Variants in PARVA observed in about 807,000 individuals in gnomAD.
PARVA encodes parvin alpha, also known as alpha-parvin.
PARVA carries 25 observed loss-of-function variants against 52.6 expected under a neutral mutation model. That is an observed-to-expected ratio of 0.48 (90% CI 0.35 to 0.66). PARVA has a LOEUF of 0.66. Among genes scored for constraint, PARVA ranks in the 30% least tolerant of loss-of-function variants. PARVA has a pLI of 0.01. For synonymous variants in PARVA, 185 were observed against 179.1 expected (o/e 1.03, Z -0.26); for missense variants, 373 against 450.9 (o/e 0.83, Z 1.56).
At chr11:12,484,808 CTTTT>C (rs1177057401) in intron 4 of PARVA, among the ~76,000 whole-genome samples, 2 of 102,628 alleles carry the variant, frequency 1.9e-5, no homozygotes, top group Non-Finnish European at 2.0e-5. Context: ...TTTTTGTTGA[CTTTT>C]TTTTTTTTTT....
chr11:12,414,885 G>A (rs1589948855), intron 1 of PARVA, among the ~76,000 whole-genome samples: 1 of 152,306 alleles, frequency 6.6e-6, no homozygotes, highest in African/African-American at 2.4e-5. Flanking sequence ...CCTGGTGGAA[G>A]TTGGCAAGCC....
At chr11:12,473,654 T>G (rs1940963073) in intron 1 of PARVA, 91 bp from the exon 2 acceptor site, 2 of 957,016 alleles carry the variant, frequency 2.1e-6, no homozygotes, top group East Asian at 5.3e-5. Context: ...GGTTTTTTTC[T>G]CAATGTCAAT....
chr11:12,474,776 A>G (rs1940985910), intron 3 of PARVA, among the ~76,000 whole-genome samples: 3 of 151,046 alleles, frequency 2.0e-5, no homozygotes, highest in Admixed American at 1.3e-4. Context: ...GTGGTGGCGC[A>G]TGACTGTAAT....
At chr11:12,440,682 T>A (rs1428916032) in intron 1 of PARVA, among the ~76,000 whole-genome samples, 1 of 152,200 alleles carries the variant, frequency 6.6e-6, no homozygotes, top group Non-Finnish European at 1.5e-5. Context: ...AAAATTTGTT[T>A]CCTTGCATTG....
At chr11:12,423,405 G>A (rs1940181955) in intron 1 of PARVA, among the ~76,000 whole-genome samples, 1 of 143,870 alleles carries the variant, frequency 7.0e-6, no homozygotes, top group Admixed American at 7.1e-5. Context: ...TGGCCGGGCT[G>A]ACCTTGAACT....
At chr11:12,454,605 G>C (rs1365599121) in intron 1 of PARVA, among the ~76,000 whole-genome samples, 1 of 150,982 alleles carries the variant, frequency 6.6e-6, no homozygotes, top group Non-Finnish European at 1.5e-5. Flanking sequence ...AAGAACTTCT[G>C]ACTGTGGAAA....
intron 1 of PARVA, among the ~76,000 whole-genome samples, chr11:12,421,975 T>G (rs1940157582): frequency 6.6e-6 from 1 of 152,240 alleles, no homozygotes. Flanking sequence ...AGCCAGTTAT[T>G]GCTGCTTTAA....
At chr11:12,471,247 C>T (rs1212341455) in intron 1 of PARVA, among the ~76,000 whole-genome samples, 1 of 152,076 alleles carries the variant, frequency 6.6e-6, no homozygotes, top group Non-Finnish European at 1.5e-5. Flanking sequence ...ATTAGTAGAC[C>T]TAAGAGGAGA....
intron 1 of PARVA, among the ~76,000 whole-genome samples, chr11:12,400,996 T>A (rs991977136): frequency 1.3e-5 from 2 of 152,182 alleles, no homozygotes; most frequent in African/African-American, 4.8e-5. Context: ...GAGGGCTCAT[T>A]TGTTGTTTAA....
At chr11:12,388,588 G>A (rs1372100159) in intron 1 of PARVA, among the ~76,000 whole-genome samples, 2 of 151,982 alleles carry the variant, frequency 1.3e-5, no homozygotes, top group Non-Finnish European at 2.9e-5. Flanking sequence ...CCATGCTTAC[G>A]GGATTTATGG....
At chr11:12,408,658 T>C (rs1939948508) in intron 1 of PARVA, among the ~76,000 whole-genome samples, 2 of 152,196 alleles carry the variant, frequency 1.3e-5, no homozygotes, top group African/African-American at 2.4e-5. Flanking sequence ...ACTGCTCACT[T>C]AACAAATATT....
rs1183085438 is a variant in PARVA, at chr11:12,534,004, T to C, written c.*6079T>C. 6.6e-6 allele frequency among the ~76,000 whole-genome samples: 1 copy of C among 152,004 alleles called. No homozygotes were observed. The highest frequency in any genetic ancestry group is 1.5e-5 in the Non-Finnish European group (1 of 67,990). On this transcript the variant is annotated 3_prime_UTR_variant, in exon 13 of 13. Transcript: ENST00000334956. Reference sequence around the variant, plus strand: ...TAATATGGTGAAACCCCGTCTGTACTAAAAATACAAAAAATTAGCCAGGTG... The same window carrying C: ...TAATATGGTGAAACCCCGTCTGTACCAAAAATACAAAAAATTAGCCAGGTG...
intron 3 of PARVA, chr11:12,477,099 C>CTT (rs747037359): frequency 4.9e-5 from 7 of 142,594 alleles, no homozygotes; most frequent in Non-Finnish European, 6.2e-5. Flanking sequence ...GTATACTTAA[C>CTT]TTTTTTTTTT....
Position 12,453,815 on chromosome 11 carries a change from G to A in PARVA, c.137-19930G>A, listed in dbSNP as rs1940657820. Among the ~76,000 whole-genome samples, 3 of 152,154 alleles carry A rather than the reference G, an allele frequency of 2.0e-5. No homozygotes were observed. In the South Asian group the frequency reaches 6.2e-4, roughly 32 times the overall value. On this transcript the variant is annotated intron_variant, in intron 1 of 12. Transcript: ENST00000334956. Reference sequence around the variant, plus strand: ...TCTGAAAACACACATAACTAATAAAGGAATAAAAAGGGTGGCTCTAAGCAA... The same window carrying A: ...TCTGAAAACACACATAACTAATAAAAGAATAAAAAGGGTGGCTCTAAGCAA...
chr11:12,454,148 C>T (rs1351983996), intron 1 of PARVA, among the ~76,000 whole-genome samples: 3 of 152,274 alleles, frequency 2.0e-5, no homozygotes, highest in East Asian at 3.9e-4. Context: ...GGTGTTTGCC[C>T]TTGGATCCAG....
chr11:12,521,790 A>G (rs1276701110), intron 12 of PARVA, among the ~76,000 whole-genome samples: 1 of 152,106 alleles, frequency 6.6e-6, no homozygotes, highest in East Asian at 1.9e-4. Flanking sequence ...GGCTTTGGGG[A>G]TGGAAGAGGT....
chr11:12,426,074 C>G (rs1158232942), intron 1 of PARVA, among the ~76,000 whole-genome samples: 3 of 152,152 alleles, frequency 2.0e-5, no homozygotes, highest in Non-Finnish European at 2.9e-5. Context: ...AAACATGGTT[C>G]ATGGTGTTCA....
intron 1 of PARVA, among the ~76,000 whole-genome samples, chr11:12,385,197 T>C (rs58338113): frequency 0.025 from 3,809 of 152,102 alleles, 139 homozygotes; most frequent in African/African-American, 0.086. Flanking sequence ...TGGGTGGTGG[T>C]GCACACCTGT....
chr11:12,396,195 A>G (rs1939742618), intron 1 of PARVA, among the ~76,000 whole-genome samples: 1 of 152,022 alleles, frequency 6.6e-6, no homozygotes, highest in Admixed American at 6.6e-5. Flanking sequence ...AGGGATTTCA[A>G]CTGGTTTCTT....
Sources: gnomAD v4.1 joint callset for allele counts (sites outside exome capture counted in the v4.1 genomes callset) on GRCh38, gnomAD v4.1.1 for gene constraint, MANE v1.5 for transcripts, NCBI Gene and HGNC (gene_info 2026-07-23, HGNC 2026-07-21) for gene names.